The following MOV10L1 variants were observed in gnomAD, a reference collection of about 807,000 sequenced individuals.
MOV10L1 encodes the protein Mov10 like RNA helicase 1.
MOV10L1 carries 110 observed loss-of-function variants against 143.8 expected under a neutral mutation model. That is an observed-to-expected ratio of 0.76 (90% CI 0.66 to 0.90). The LOEUF (loss-of-function observed/expected upper bound fraction) is 0.90, where lower values mean the gene tolerates loss of function less well. Ranked by LOEUF, MOV10L1 falls within the 40% of genes least tolerant of loss-of-function variation. MOV10L1 has a pLI of 0.00. For missense variants in MOV10L1, 1,406 were observed against 1,526.8 expected, an observed-to-expected ratio of 0.92 and a Z score of 1.32; for synonymous variants, 593 against 581.1, an observed-to-expected ratio of 1.02 and a Z score of -0.29.
intron 20 of MOV10L1, 38 bp downstream of exon 20, chr22:50,149,752 C>A: frequency 6.4e-7 from 1 of 1,561,520 alleles, no homozygotes; most frequent in Non-Finnish European, 8.8e-7. Context: ...TTCCTCCTCA[C>A]CCCGTTCTCC....
chr22:50,161,270 T>TA (rs1397684421), intron 26 of MOV10L1, 98 bp from the exon 27 acceptor site: 3 of 1,112,230 alleles, frequency 2.7e-6, no homozygotes, highest in Middle Eastern at 4.0e-4. Flanking sequence ...CAGGGTAAAC[T>TA]AAGTCCCCTT....
intron 6 of MOV10L1, among the ~76,000 whole-genome samples, 172 bp from the exon 7 acceptor site, chr22:50,114,209 G>A (rs1040529630): frequency 1.3e-5 from 2 of 152,046 alleles, no homozygotes; most frequent in South Asian, 2.1e-4. Context: ...GAGACACCAC[G>A]CCCGGCATGA....
chr22:50,130,213 T>G (rs529919343), intron 13 of MOV10L1, among the ~76,000 whole-genome samples: 5 of 152,176 alleles, frequency 3.3e-5, no homozygotes, highest in South Asian at 4.2e-4. Flanking sequence ...AGGCGGAGGT[T>G]GCGGTGAGCT....
intron 22 of MOV10L1, among the ~76,000 whole-genome samples, chr22:50,155,656 A>G (rs1405188106): frequency 6.6e-6 from 1 of 152,164 alleles, no homozygotes; most frequent in Non-Finnish European, 1.5e-5. Context: ...TTGTATTTTT[A>G]GTAGAGACGG....
intron 15 of MOV10L1, among the ~76,000 whole-genome samples, chr22:50,141,361 G>A (rs936301784): frequency 6.6e-6 from 1 of 151,390 alleles, no homozygotes; most frequent in Non-Finnish European, 1.5e-5. Context: ...AGTTTGGGGG[G>A]TCTCTGTCAC....
intron 3 of MOV10L1, 133 bp from the exon 4 acceptor site, chr22:50,108,003 C>T (rs1008921973): frequency 2.8e-6 from 2 of 726,096 alleles, no homozygotes; most frequent in African/African-American, 3.6e-5. Flanking sequence ...ATATGTTTCT[C>T]ACAGTAGTAG....
At chr22:50,153,337 C>A in intron 22 of MOV10L1, 119 bp downstream of exon 22, 1 of 1,236,248 alleles carries the variant, frequency 8.1e-7, no homozygotes, top group Non-Finnish European at 1.1e-6. Context: ...TTCTGCTGGT[C>A]TCCAGAGAGT....
At chr22:50,111,906 T>G (rs995398786) in intron 5 of MOV10L1, among the ~76,000 whole-genome samples, 1 of 152,172 alleles carries the variant, frequency 6.6e-6, no homozygotes, top group Non-Finnish European at 1.5e-5. Context: ...GAATGCAGGT[T>G]CTGTTTGGGG....
chr22:50,158,242 T>G lies in MOV10L1; in HGVS notation c.3216+36T>G, dbSNP rs1482842287. 1 of 1,612,928 alleles carries G rather than the reference T, an allele frequency of 6.2e-7. No homozygotes were observed. The highest frequency in any genetic ancestry group is 1.3e-5 in the African/African-American group (1 of 74,918). ...CCCAGGCACGCCTGGTTCTGTGAGG[T>G]CCCTGCAGCCCTGCTCCTTGGCTCC... On this transcript the variant is annotated intron_variant, in intron 23 of 26. Coordinates refer to ENST00000262794, the MANE Select transcript of MOV10L1 (RefSeq NM_018995.3). The surrounding 1 kb of genome is among the most constrained non-coding windows in gnomAD (Gnocchi z 5.0).
chr22:50,158,057 G>A lies in MOV10L1; in HGVS notation c.3067G>A (p.Gly1023Ser). The change falls in exon 23 of 27, where the codon GGC becomes AGC. Residue 1023 changes from glycine (G) to serine (S), a missense_variant and splice_region_variant. Coordinates refer to ENST00000262794, the MANE Select transcript of MOV10L1 (RefSeq NM_018995.3). This position sits in a 1 kb window ranked among gnomAD's most constrained non-coding sequence, Gnocchi z 5.0. Reference sequence around the variant, plus strand: ...AGGTTTTCTCTCCTCATCAACCCAGGGCAGCGAGGCACGGGAGGGAAAAAG... The same window carrying A: ...AGGTTTTCTCTCCTCATCAACCCAGAGCAGCGAGGCACGGGAGGGAAAAAG... ...GFPLIFHGVR[G>S]SEAREGKSPS... 6.2e-7 allele frequency: 1 copy of A among 1,612,980 alleles called. No homozygotes were observed. The highest frequency in any genetic ancestry group is 8.5e-7 in the Non-Finnish European group (1 of 1,179,262).
chr22:50,093,701 G>A (rs1441781272), intron 2 of MOV10L1: 1 of 152,098 alleles, frequency 6.6e-6, no homozygotes, highest in Non-Finnish European at 1.5e-5. Flanking sequence ...TGTAGAAATG[G>A]CGTCTCACTG....
chr22:50,156,898 G>A (rs1485360914), intron 22 of MOV10L1, among the ~76,000 whole-genome samples: 2 of 152,136 alleles, frequency 1.3e-5, no homozygotes, highest in Non-Finnish European at 2.9e-5. Context: ...TGGAATTGTT[G>A]GTAATTCTAG....
At position 50,158,263 on chromosome 22, in the gene MOV10L1, G is replaced by A; in HGVS notation, c.3216+57G>A. The A allele has an allele frequency of 6.3e-7, 1 of 1,598,098 alleles. No homozygotes were observed. The highest frequency in any genetic ancestry group is 8.6e-7 in the Non-Finnish European group (1 of 1,169,418). Reference sequence around the variant, plus strand: ...GAGGTCCCTGCAGCCCTGCTCCTTGGCTCCTGCAGCTCCACAGAGGCAGGA... The same window carrying A: ...GAGGTCCCTGCAGCCCTGCTCCTTGACTCCTGCAGCTCCACAGAGGCAGGA... On this transcript the variant is annotated intron_variant, in intron 23 of 26. Transcript: ENST00000262794. This position sits in a 1 kb window ranked among gnomAD's most constrained non-coding sequence, Gnocchi z 5.0.
Position 50,145,811 on chromosome 22 carries a change from G to A in MOV10L1, c.2627+1G>A. On this transcript the variant is annotated splice_donor_variant, in intron 19 of 26. Coordinates refer to ENST00000262794, the MANE Select transcript of MOV10L1 (RefSeq NM_018995.3). LOFTEE classifies it high-confidence loss of function. Reference sequence around the variant, plus strand: ...GGCTGTTTTACCAAATAGGAGTGAGGTGAGCCCCGGGCATGGAGCGCGGCA... The same window carrying A: ...GGCTGTTTTACCAAATAGGAGTGAGATGAGCCCCGGGCATGGAGCGCGGCA... 6.2e-7 allele frequency: 1 copy of A among 1,613,686 alleles called. No individual in the cohort carries two copies. The highest frequency in any genetic ancestry group is 8.5e-7 in the Non-Finnish European group (1 of 1,179,954).
At chr22:50,157,914 CT>C (rs2063467811) in intron 22 of MOV10L1, 142 bp from the exon 23 acceptor site, 1 of 985,736 alleles carries the variant, frequency 1.0e-6, no homozygotes, top group African/African-American at 1.6e-5. Flanking sequence ...ATCTGCCCTG[CT>C]CACATGTAAG....
chr22:50,113,124 TAGA>T (rs2062068155), intron 5 of MOV10L1, among the ~76,000 whole-genome samples: 1 of 152,152 alleles, frequency 6.6e-6, no homozygotes, highest in South Asian at 2.1e-4. Context: ...GTAGCATCAG[TAGA>T]AGAAGGGGAA....
intron 24 of MOV10L1, among the ~76,000 whole-genome samples, chr22:50,160,272 G>T (rs1360050252): frequency 4.1e-5 from 5 of 120,694 alleles, no homozygotes; most frequent in Admixed American, 1.1e-4. Context: ...TTTTTGAGAT[G>T]GCGTCGCTCT....
intron 13 of MOV10L1, among the ~76,000 whole-genome samples, chr22:50,131,121 A>C (rs1032440449): frequency 6.7e-6 from 1 of 148,488 alleles, no homozygotes; most frequent in Non-Finnish European, 1.5e-5. Context: ...TGTTAGCCAG[A>C]ATGGTCTCAA....
rs1485274015 is a variant in MOV10L1, at chr22:50,108,669, A to G, written c.568A>G (p.Ser190Gly). 6.2e-7 allele frequency: 1 copy of G among 1,614,090 alleles called. No homozygotes were observed. The highest frequency in any genetic ancestry group is 1.7e-5 in the Admixed American group (1 of 60,020). The change falls in exon 5 of 27, where the codon AGC becomes GGC. Residue 190 changes from serine (S) to glycine (G), a missense_variant. By Grantham distance (56) the Ser-to-Gly change is moderately conservative (BLOSUM62 0). Around this residue, in one of 3 missense-constraint regions of MOV10L1, gnomAD observed 1,233 missense variants for 1,351.4 expected, o/e 0.91. Transcript: ENST00000262794. ...YKRVDKVCIS[S>G]LCGRNGVLEE... ...TCTCTGCTCCCAGGTCTGCATCTCTAGCCTCTGTGGAAGGAACGGGGTGTT... is the reference window on the plus strand; with the variant it reads ...TCTCTGCTCCCAGGTCTGCATCTCTGGCCTCTGTGGAAGGAACGGGGTGTT...
Sources: allele counts gnomAD v4.1 joint callset (sites outside exome capture counted in the v4.1 genomes callset), GRCh38; gene constraint gnomAD v4.1.1; regional missense constraint gnomAD v4.1.1; non-coding constraint Gnocchi (gnomAD v3.1); transcripts MANE v1.5; gene names NCBI Gene and HGNC (gene_info 2026-07-23, HGNC 2026-07-21).